The following TMC2 variants were observed in gnomAD, a reference collection of about 807,000 sequenced individuals.
TMC2 encodes transmembrane channel like 2, also known as transmembrane channel-like protein 2.
TMC2 carries 102 observed loss-of-function variants against 105.9 expected under a neutral mutation model. The ratio of observed to expected loss-of-function variants is 0.96; its 90% CI spans 0.82 to 1.14. The LOEUF (loss-of-function observed/expected upper bound fraction) is 1.14, where lower values mean the gene tolerates loss of function less well. Among genes scored for constraint, TMC2 ranks in the 50% most tolerant of loss-of-function variants. The probability of loss-of-function intolerance (pLI) is 0.00; values close to 1 mark genes in which losing one functional copy is unlikely to be tolerated. For synonymous variants in TMC2, 402 were observed against 422.8 expected (o/e 0.95, Z 0.60); for missense variants, 1,093 against 1,134.3 (o/e 0.96, Z 0.52).
intron 2 of TMC2, among the ~76,000 whole-genome samples, chr20:2,552,004 A>G (rs1003563508): frequency 6.6e-6 from 1 of 152,080 alleles, no homozygotes; most frequent in African/African-American, 2.4e-5. Flanking sequence ...CACGCCTATA[A>G]TCCCAGCACT....
rs143394079 is a variant in TMC2 at position 2,554,277 on chromosome 20, A to G, written c.83-4179A>G. 5.2e-3 allele frequency among the ~76,000 whole-genome samples: 798 copies of G among 152,292 alleles called. 10 individuals carry two copies. The highest frequency in any genetic ancestry group is 0.018 in the African/African-American group (731 of 41,554). On this transcript the variant is annotated intron_variant, in intron 2 of 19. Transcript: ENST00000358864. ...AATAATTTATGTCTCCAGCCTGGGC[A>G]ACGGAGCAACACCCTGTCTCAAAAA...
At chr20:2,540,302 A>G (rs1223164341) in intron 2 of TMC2, among the ~76,000 whole-genome samples, 5 of 151,794 alleles carry the variant, frequency 3.3e-5, no homozygotes, top group Non-Finnish European at 4.4e-5. Context: ...AGACTTTTCA[A>G]TGCACCTATG....
At chr20:2,596,723 G>C (rs891726972) in intron 9 of TMC2, among the ~76,000 whole-genome samples, 1 of 150,642 alleles carries the variant, frequency 6.6e-6, no homozygotes, top group Non-Finnish European at 1.5e-5. Flanking sequence ...ATATATGTGT[G>C]TGTGTGTGTG....
chr20:2,553,774 GCTT>G (rs1304265789), intron 2 of TMC2, among the ~76,000 whole-genome samples: 2 of 152,040 alleles, frequency 1.3e-5, no homozygotes, highest in Non-Finnish European at 2.9e-5. Flanking sequence ...TACTTATTTC[GCTT>G]TGTGTGAGTT....
intron 2 of TMC2, among the ~76,000 whole-genome samples, chr20:2,548,239 C>T (rs956174054): frequency 6.6e-6 from 1 of 152,166 alleles, no homozygotes; most frequent in Non-Finnish European, 1.5e-5. Flanking sequence ...TGTGTGTTAA[C>T]AGGCCCAAAC....
rs527567337 is a variant in TMC2 at position 2,620,672 on chromosome 20, G to A, written c.2180+3361G>A. Among the ~76,000 whole-genome samples the A allele has an allele frequency of 1.1e-3, 174 of 152,228 alleles. 1 individual carries two copies. In the Middle Eastern group the frequency reaches 0.014, roughly 12 times the overall value. ...CATTGGCCTCCCAGAATTCTGTGGC[G>A]GGAAACAGACTGATAAAATTTACTC... On this transcript the variant is annotated intron_variant, in intron 16 of 19. Coordinates refer to ENST00000358864, the MANE Select transcript of TMC2 (RefSeq NM_080751.3).
chr20:2,611,811 T>C (rs1488818056), intron 12 of TMC2, among the ~76,000 whole-genome samples: 1 of 148,518 alleles, frequency 6.7e-6, no homozygotes, highest in Admixed American at 6.9e-5. Context: ...AATGGATGGC[T>C]GAATGCTTAG....
intron 12 of TMC2, among the ~76,000 whole-genome samples, chr20:2,611,858 ATGGATGGATGGG>A (rs1480159853): frequency 6.6e-4 from 72 of 109,114 alleles, no homozygotes; most frequent in Non-Finnish European, 1.0e-3. Flanking sequence ...GGATGGATGG[ATGGATGGATGGG>A]TGGGTGGGTG....
In TMC2 at chr20:2,562,109, G is replaced by A. The variant is rs190535865; in HGVS notation, c.554+99G>A. On this transcript the variant is annotated intron_variant, in intron 4 of 19. Transcript: ENST00000358864. The stretch of plus-strand genomic sequence containing the variant: ...CCACATTTCCCCAAAGGGGCTTGAT[G>A]TGAGGGGGCTGCTCCAGCGAGGACA... 128 of 1,405,234 alleles carry A rather than the reference G, an allele frequency of 9.1e-5. 2 individuals are homozygous for A. In the East Asian group the frequency reaches 3.1e-3, roughly 34 times the overall value. 87.0% of individuals were successfully genotyped at this position (1,405,234 alleles called of 1,614,324 possible). A position where few individuals can be genotyped will look rare whatever the true frequency, so the allele number is the denominator to read the frequency against.
Position 2,558,868 on chromosome 20 carries a change from C to T in TMC2, c.401+94C>T. 7.6e-7 allele frequency: 1 copy of T among 1,312,674 alleles called. No individual in the cohort carries two copies. Among genetic ancestry groups the T allele is most frequent in the Non-Finnish European group, 1.0e-6 (1 of 976,450 alleles). The allele number at this position is 1,312,674 out of a possible 1,614,324, so 81.3% of individuals were successfully genotyped here. A position where few individuals can be genotyped will look rare whatever the true frequency, so the allele number is the denominator to read the frequency against. On this transcript the variant is annotated intron_variant, in intron 3 of 19. Coordinates refer to ENST00000358864, the MANE Select transcript of TMC2 (RefSeq NM_080751.3). This position sits in a 1 kb window ranked among gnomAD's most constrained non-coding sequence, Gnocchi z 4.6. ...CCCCGTGAGGGACTGATGCCCCCCT[C>T]CCCGGGGAGAGGCAGCCCGTGCCCT...
At position 2,592,247 on chromosome 20, in the gene TMC2, T is replaced by C; in HGVS notation, c.835-63T>C. ...GAAGGAAAGCATTTACCCCAGTATATGAATGTCTCTGTGTGTTTGTATTTC... is the reference window on the plus strand; with the variant it reads ...GAAGGAAAGCATTTACCCCAGTATACGAATGTCTCTGTGTGTTTGTATTTC... On this transcript the variant is annotated intron_variant, in intron 7 of 19. Transcript: ENST00000358864. The surrounding 1 kb of genome is among the most constrained non-coding windows in gnomAD (Gnocchi z 4.9). The C allele has an allele frequency of 9.5e-7, 1 of 1,055,948 alleles. No individual in the cohort carries two copies. The highest frequency in any genetic ancestry group is 1.5e-6 in the Non-Finnish European group (1 of 677,632). The allele number at this position is 1,055,948 out of a possible 1,614,324, so 65.4% of individuals were successfully genotyped here. A position where few individuals can be genotyped will look rare whatever the true frequency, so the allele number is the denominator to read the frequency against.
intron 4 of TMC2, among the ~76,000 whole-genome samples, chr20:2,563,213 G>A (rs1378690780): frequency 2.6e-5 from 4 of 152,110 alleles, no homozygotes; most frequent in Admixed American, 2.6e-4. Context: ...TGTTTTTGCA[G>A]TATTTACCCC....
rs34716851 is a variant in TMC2, at chr20:2,542,698, A to ATTT, written c.82+5395_82+5397dup. 1.5e-3 allele frequency among the ~76,000 whole-genome samples: 205 copies of ATTT among 135,858 alleles called. 1 individual carries two copies. The highest frequency in any genetic ancestry group is 4.0e-3 in the African/African-American group (145 of 36,630). The allele number at this position is 135,858 out of a possible 152,430, so 89.1% of individuals were successfully genotyped here. On this transcript the variant is annotated intron_variant, in intron 2 of 19. Transcript: ENST00000358864. ...TACAGTCTTTTCTCTTTAGTCCACAATTTTTTTTTTTTTTTGACAGAGTCT... is the reference window on the plus strand; with the variant it reads ...TACAGTCTTTTCTCTTTAGTCCACAATTTTTTTTTTTTTTTTTTGACAGAGTCT...
At chr20:2,560,695 G>A (rs1053744144) in intron 3 of TMC2, among the ~76,000 whole-genome samples, 69 of 152,162 alleles carry the variant, frequency 4.5e-4, no homozygotes, top group African/African-American at 1.6e-3. Context: ...AAATTAGCCA[G>A]GCGTGGTGGC....
Position 2,558,563 on chromosome 20 carries a change from C to G in TMC2, c.190C>G (p.Pro64Ala), listed in dbSNP as rs1208222455. ...CCAGAAGGAGCGCGCCGGGGGCAGC[C>G]CAAGCCCGGGGTCTCCCCGGAGGAA... is the stretch of plus-strand genomic sequence containing the variant. ...RSQKERAGGS[P>A]SPGSPRRKQT... is the part of the protein sequence containing the mutation. Residue 64 changes from proline to alanine, a missense_variant, in exon 3 of 20, where the codon CCA (proline) becomes GCA (alanine). By Grantham distance (27) the Pro-to-Ala change is conservative (BLOSUM62 -1). Coordinates refer to ENST00000358864, the MANE Select transcript of TMC2 (RefSeq NM_080751.3). This position sits in a 1 kb window ranked among gnomAD's most constrained non-coding sequence, Gnocchi z 4.6. 6.4e-6 allele frequency: 10 copies of G among 1,552,996 alleles called. No homozygotes were observed. The highest frequency in any genetic ancestry group is 1.7e-4 in the Middle Eastern group (1 of 5,774).
In TMC2 at chr20:2,641,286, G is replaced by A. The variant is rs758016462; in HGVS notation, c.2656G>A (p.Ala886Thr). 2.4e-5 allele frequency: 38 copies of A among 1,613,964 alleles called. 1 individual carries two copies. The Middle Eastern group carries it at 1.5e-3, about 63-fold the overall frequency. The change falls in exon 20 of 20, where the codon GCC (alanine) becomes ACC (threonine). Residue 886 changes from alanine (A) to threonine (T), a missense_variant. By Grantham distance (58) the Ala-to-Thr change is moderately conservative (BLOSUM62 0). Coordinates refer to ENST00000358864, the MANE Select transcript of TMC2 (RefSeq NM_080751.3). ...TGGAATCGGACCAGATTCTGGCCAC[G>A]CCCCATCTCAGACTCATCCGTGGAG... ...PPGIGPDSGH[A>T]PSQTHPWRSA...
intron 4 of TMC2, among the ~76,000 whole-genome samples, chr20:2,568,451 C>T (rs1014645149): frequency 4.6e-5 from 7 of 152,110 alleles, no homozygotes; most frequent in Non-Finnish European, 8.8e-5. Flanking sequence ...GGTAGGGTCC[C>T]CTGTTCTCTT....
At chr20:2,542,871 T>A (rs942988367) in intron 2 of TMC2, among the ~76,000 whole-genome samples, 1 of 151,824 alleles carries the variant, frequency 6.6e-6, no homozygotes, top group Admixed American at 6.6e-5. Flanking sequence ...TTTATATTTT[T>A]AGTATTTTAT....
chr20:2,614,434 C>T (rs2086465598), intron 14 of TMC2, among the ~76,000 whole-genome samples: 2 of 152,034 alleles, frequency 1.3e-5, no homozygotes, highest in African/African-American at 4.8e-5. Context: ...AGCAAGACCC[C>T]ATCTCTACAA....
Sources: allele counts gnomAD v4.1 joint callset (sites outside exome capture counted in the v4.1 genomes callset), GRCh38; gene constraint gnomAD v4.1.1; non-coding constraint Gnocchi (gnomAD v3.1); transcripts MANE v1.5; gene names NCBI Gene and HGNC (gene_info 2026-07-23, HGNC 2026-07-21).